The following TTC9C variants were observed in gnomAD, a reference collection of about 807,000 sequenced individuals.
The protein encoded by TTC9C is tetratricopeptide repeat protein 9C.
A neutral mutation model predicts 22.5 loss-of-function variants in TTC9C; 15 were observed. That is an observed-to-expected ratio of 0.67 (90% confidence interval 0.45 to 1.03). TTC9C has a LOEUF of 1.03. Ranked by LOEUF, TTC9C falls within the 50% of genes least tolerant of loss-of-function variation. TTC9C has a pLI of 0.00. For missense variants in TTC9C, 244 were observed against 214.6 expected, an observed-to-expected ratio of 1.14 and a Z score of -0.86; for synonymous variants, 92 against 86.8, an observed-to-expected ratio of 1.06 and a Z score of -0.33.
Position 62,729,081 on chromosome 11 carries a change from T to C in TTC9C, c.233T>C (p.Leu78Pro). Residue 78 changes from leucine to proline, a missense_variant, in exon 1 of 3, where the codon CTA becomes CCA. Leu to Pro is a moderately conservative substitution (Grantham distance 98, BLOSUM62 -3). Transcript: ENST00000316461. ...ACCCAGACAGACTGCTATAACAATC[T>C]AGCTGGTAAGAACGGGGCTAAAGGG... Reference protein sequence around the residue: ...HTTQTDCYNNLAACLLQMEPV... With the variant: ...HTTQTDCYNNPAACLLQMEPV... 6.2e-7 allele frequency: 1 copy of C among 1,613,476 alleles called. No homozygotes were observed. Among genetic ancestry groups the C allele is most frequent in the Non-Finnish European group, 8.5e-7 (1 of 1,179,706 alleles).
At chr11:62,728,375 G>T, upstream of TTC9C, 1 of 371,086 alleles carries the variant, frequency 2.7e-6, no homozygotes, top group Non-Finnish European at 5.3e-6. Context: ...TGTTGAATAA[G>T]GAAGAAGAGT....
At chr11:62,736,254 T>G (rs1260256314) in intron 2 of TTC9C, 1 of 151,222 alleles carries the variant, frequency 6.6e-6, no homozygotes, top group East Asian at 1.9e-4. Context: ...CAGTGTTGTT[T>G]TTTGGGGCTG....
At chr11:62,728,424 C>T, upstream of TTC9C, 1 of 440,540 alleles carries the variant, frequency 2.3e-6, no homozygotes, top group Middle Eastern at 3.4e-4. Context: ...TAGCACTAGT[C>T]CCGCCCACTC....
At chr11:62,729,936 C>T (rs2083827830) in intron 1 of TTC9C, among the ~76,000 whole-genome samples, 1 of 152,098 alleles carries the variant, frequency 6.6e-6, no homozygotes, top group South Asian at 2.1e-4. Context: ...ATTTTGCATG[C>T]TATAGGGAAA....
intron 2 of TTC9C, 111 bp downstream of exon 2, chr11:62,735,675 A>G: frequency 1.4e-6 from 2 of 1,423,774 alleles, no homozygotes; most frequent in East Asian, 2.5e-5. Context: ...AATAAGTAAT[A>G]CATTCACATG....
Position 62,738,320 on chromosome 11 carries a change from C to T in TTC9C, c.454C>T (p.Gln152Ter), listed in dbSNP as rs750577071. 1.9e-6 allele frequency: 3 copies of T among 1,612,874 alleles called. No individual in the cohort carries two copies. Among genetic ancestry groups the T allele is most frequent in the East Asian group, 2.2e-5 (1 of 44,852 alleles). The change falls in exon 3 of 3, where the codon CAG becomes TAG. Residue 152 changes from glutamine (Q) to a stop codon, truncating the protein, a stop_gained. Coordinates refer to ENST00000316461, the MANE Select transcript of TTC9C (RefSeq NM_173810.4). LOFTEE classifies it high-confidence loss of function. ...CGTCCGGCGGTACCTCCAGCTGACA[C>T]AGTCAGAACTCAGCAGCTACCATAG... ...ANVRRYLQLT[Q>*]SELSSYHRKE...
intron 1 of TTC9C, chr11:62,733,022 C>T: frequency 2.3e-6 from 1 of 434,798 alleles, no homozygotes; most frequent in Non-Finnish European, 3.6e-6. Context: ...AGAAGGGATA[C>T]AGACATCAGC....
chr11:62,728,901 G>A lies in TTC9C; in HGVS notation c.53G>A (p.Arg18His). 1 of 1,614,148 alleles carries A rather than the reference G, an allele frequency of 6.2e-7. No homozygotes were observed. Among genetic ancestry groups the A allele is most frequent in the Non-Finnish European group, 8.5e-7 (1 of 1,180,020 alleles). Residue 18 changes from arginine to histidine, a missense_variant, in exon 1 of 3, where the codon CGC (arginine) becomes CAC (histidine). Physicochemically the swap from Arg to His is conservative, Grantham distance 29. Coordinates refer to ENST00000316461, the MANE Select transcript of TTC9C (RefSeq NM_173810.4). Reference sequence around the variant, plus strand: ...CTGTACAAGGAGGAAGGGAACCAGCGCTACCGGGAAGGGAAGTACCGAGAT... The same window carrying A: ...CTGTACAAGGAGGAAGGGAACCAGCACTACCGGGAAGGGAAGTACCGAGAT... ...AQLYKEEGNQ[R>H]YREGKYRDAV...
chr11:62,734,932 T>C (rs1393537492), intron 1 of TTC9C, among the ~76,000 whole-genome samples: 1 of 152,266 alleles, frequency 6.6e-6, no homozygotes, highest in African/African-American at 2.4e-5. Flanking sequence ...GTTTCACTCT[T>C]GTTCCCCAGG....
At position 62,728,959 on chromosome 11, in the gene TTC9C, G is replaced by A; in HGVS notation, c.111G>A (p.Gln37=). 2 of 1,614,152 alleles carry A rather than the reference G, an allele frequency of 1.2e-6. No individual in the cohort carries two copies. Among genetic ancestry groups the A allele is most frequent in the Non-Finnish European group, 8.5e-7 (1 of 1,180,044 alleles). The change falls in exon 1 of 3, where the codon CAG becomes CAA. Residue 37 remains glutamine, a synonymous_variant. Transcript: ENST00000316461. ...GTAGGTACCATCGAGCTCTGCTTCA[G>A]CTGCGGGGTCTGGATCCGAGTCTGC... ...AVSRYHRALL[Q]LRGLDPSLPS...
intron 2 of TTC9C, among the ~76,000 whole-genome samples, chr11:62,737,370 A>G (rs1048238255): frequency 6.6e-6 from 1 of 152,156 alleles, no homozygotes. Context: ...ACCTAGAAAA[A>G]GGGCAGTCCT....
chr11:62,733,387 T>C (rs796531546), intron 1 of TTC9C, among the ~76,000 whole-genome samples: 2 of 152,272 alleles, frequency 1.3e-5, no homozygotes, highest in Admixed American at 6.5e-5. Context: ...TAAATGAAGA[T>C]AGTAACACCT....
chr11:62,733,062 G>A (rs937723024), intron 1 of TTC9C: 2 of 1,113,004 alleles, frequency 1.8e-6, no homozygotes, highest in African/African-American at 1.6e-5. Context: ...CATCACTGCT[G>A]ATTCTTGATC....
In TTC9C at chr11:62,738,461, A is replaced by G. The variant is rs2083938014; in HGVS notation, c.*79A>G. 1 of 1,039,310 alleles carries G rather than the reference A, an allele frequency of 9.6e-7. No homozygotes were observed. Among genetic ancestry groups the G allele is most frequent in the South Asian group, 1.4e-5 (1 of 71,892 alleles). The allele number at this position is 1,039,310 out of a possible 1,614,324, so 64.4% of individuals were successfully genotyped here. On this transcript the variant is annotated 3_prime_UTR_variant, in exon 3 of 3. Transcript: ENST00000316461. Reference sequence around the variant, plus strand: ...TGAAGGAGAAATCTGAGCCTCAGCAAGAGAAATTAACCCTATACCTCTGAC... The same window carrying G: ...TGAAGGAGAAATCTGAGCCTCAGCAGGAGAAATTAACCCTATACCTCTGAC...
At position 62,728,983 on chromosome 11, in the gene TTC9C, G is replaced by C. The variant is rs1461650875; in HGVS notation, c.135G>C (p.Leu45=). Residue 45 remains leucine, a synonymous_variant, in exon 1 of 3, where the codon CTG becomes CTC. Coordinates refer to ENST00000316461, the MANE Select transcript of TTC9C (RefSeq NM_173810.4). ...LLQLRGLDPS[L]PSPLPNLGPQ... ...AGCTGCGGGGTCTGGATCCGAGTCT[G>C]CCCTCTCCGTTACCTAATCTCGGAC... The C allele has an allele frequency of 1.2e-6, 2 of 1,614,128 alleles. No individual in the cohort carries two copies. The highest frequency in any genetic ancestry group is 1.7e-6 in the Non-Finnish European group (2 of 1,180,038).
At chr11:62,732,052 G>C (rs1048067874) in intron 1 of TTC9C, among the ~76,000 whole-genome samples, 1 of 136,802 alleles carries the variant, frequency 7.3e-6, no homozygotes. Flanking sequence ...GCTGGCGTCA[G>C]TGGCGCAATT....
intron 2 of TTC9C, 64 bp downstream of exon 2, chr11:62,735,628 AG>A (rs2083903015): frequency 4.6e-6 from 7 of 1,505,692 alleles, no homozygotes; most frequent in Non-Finnish European, 5.3e-6. Flanking sequence ...ATCTGTGGAA[AG>A]GGGGTTTTAT....
intron 2 of TTC9C, 88 bp downstream of exon 2, chr11:62,735,652 A>T (rs1026279913): frequency 2.8e-6 from 4 of 1,453,794 alleles, no homozygotes; most frequent in Non-Finnish European, 3.6e-6. Context: ...TACTTTGCCA[A>T]TGTATTATTT....
At position 62,735,390 on chromosome 11, in the gene TTC9C, C is replaced by A; in HGVS notation, c.247C>A (p.Leu83Ile). ...TTCATTTGGCCCATTAGCTTGTCTCCTTCAGATGGAGCCCGTGAACTACGA... is the reference window on the plus strand; with the variant it reads ...TTCATTTGGCCCATTAGCTTGTCTCATTCAGATGGAGCCCGTGAACTACGA... ...DCYNNLAACL[L>I]QMEPVNYERV... Residue 83 changes from leucine to isoleucine, a missense_variant, in exon 2 of 3, where the codon CTT (leucine) becomes ATT (isoleucine). Physicochemically the swap from Leu to Ile is conservative, Grantham distance 5. Coordinates refer to ENST00000316461, the MANE Select transcript of TTC9C (RefSeq NM_173810.4). 6.2e-7 allele frequency: 1 copy of A among 1,614,066 alleles called. No individual in the cohort carries two copies. Among genetic ancestry groups the A allele is most frequent in the Non-Finnish European group, 8.5e-7 (1 of 1,179,978 alleles).
Sources: allele counts gnomAD v4.1 joint callset (sites outside exome capture counted in the v4.1 genomes callset), GRCh38; gene constraint gnomAD v4.1.1; transcripts MANE v1.5; gene names NCBI Gene and HGNC (gene_info 2026-07-23, HGNC 2026-07-21).